FAM110B: variants seen among roughly 807,000 people sequenced by gnomAD.
FAM110B encodes the protein family with sequence similarity 110 member B, also known as protein FAM110B.
FAM110B carries 6 observed loss-of-function variants against 20.4 expected under a neutral mutation model. The ratio of observed to expected loss-of-function variants is 0.29; its 90% CI spans 0.16 to 0.58. FAM110B has a LOEUF of 0.58. Ranked by LOEUF, FAM110B falls within the 20% of genes least tolerant of loss-of-function variation. FAM110B has a pLI of 0.90. For missense variants in FAM110B, 434 were observed against 498.2 expected (o/e 0.87, Z 1.23); for synonymous variants, 226 against 214.1 (o/e 1.06, Z -0.49).
intron 1 of FAM110B, among the ~76,000 whole-genome samples, chr8:58,026,146 A>G (rs895364531): frequency 6.6e-6 from 1 of 152,350 alleles, no homozygotes; most frequent in East Asian, 1.9e-4. Flanking sequence ...GTGCTTGTAT[A>G]TATTTGTACT....
chr8:58,052,177 C>T (rs1456063419), intron 2 of FAM110B, among the ~76,000 whole-genome samples: 2 of 152,198 alleles, frequency 1.3e-5, no homozygotes, highest in Admixed American at 1.3e-4. Context: ...TACAAATACT[C>T]AATGTGGACT....
intron 1 of FAM110B, among the ~76,000 whole-genome samples, chr8:58,013,942 T>C (rs1317504843): frequency 6.6e-6 from 1 of 152,170 alleles, no homozygotes; most frequent in East Asian, 1.9e-4. Context: ...CTGGCATGCC[T>C]GTCACTGTGC....
intron 1 of FAM110B, among the ~76,000 whole-genome samples, chr8:58,025,396 G>A (rs1487111660): frequency 6.6e-6 from 1 of 152,188 alleles, no homozygotes; most frequent in Non-Finnish European, 1.5e-5. Flanking sequence ...AGCATGGCCT[G>A]ATGAGAGGGT....
chr8:58,047,078 TA>T (rs1805334380), intron 2 of FAM110B, among the ~76,000 whole-genome samples: 1 of 152,146 alleles, frequency 6.6e-6, no homozygotes, highest in Non-Finnish European at 1.5e-5. Context: ...TTGGTGATGA[TA>T]GGGGACATTT....
intron 3 of FAM110B, among the ~76,000 whole-genome samples, chr8:58,115,009 T>G (rs1225534011): frequency 1.4e-5 from 1 of 73,116 alleles, no homozygotes; most frequent in Non-Finnish European, 2.4e-5. Flanking sequence ...GGAAAGTTGT[T>G]TTTTTTTTTT....
chr8:58,014,789 T>C (rs1051456326), intron 1 of FAM110B, among the ~76,000 whole-genome samples: 4 of 151,270 alleles, frequency 2.6e-5, no homozygotes, highest in Admixed American at 6.6e-5. Flanking sequence ...TTAAACATTT[T>C]GGACATCTGG....
intron 1 of FAM110B, among the ~76,000 whole-genome samples, chr8:58,001,652 C>T (rs1804298970): frequency 6.6e-6 from 1 of 152,158 alleles, no homozygotes; most frequent in Non-Finnish European, 1.5e-5. Flanking sequence ...TGTTTAGGTA[C>T]TGTGAGTTAT....
chr8:58,000,687 G>C (rs1219939704), intron 1 of FAM110B, among the ~76,000 whole-genome samples: 4 of 152,182 alleles, frequency 2.6e-5, no homozygotes, highest in Non-Finnish European at 5.9e-5. Context: ...TGGTCAAAAA[G>C]AGACATTTGG....
At chr8:58,112,900 A>G (rs1474588895) in intron 3 of FAM110B, among the ~76,000 whole-genome samples, 2 of 152,206 alleles carry the variant, frequency 1.3e-5, no homozygotes, top group Admixed American at 1.3e-4. Flanking sequence ...AGTAGCTTAA[A>G]CTACAGACAT....
At chr8:58,009,263 A>T (rs1411831309) in intron 1 of FAM110B, among the ~76,000 whole-genome samples, 1 of 152,202 alleles carries the variant, frequency 6.6e-6, no homozygotes, top group Non-Finnish European at 1.5e-5. Flanking sequence ...GAGTTTGCAG[A>T]TGGGAGCGAA....
intron 2 of FAM110B, among the ~76,000 whole-genome samples, chr8:58,042,575 G>C (rs776991716): frequency 6.6e-5 from 10 of 152,196 alleles, no homozygotes; most frequent in Non-Finnish European, 8.8e-5. Flanking sequence ...AAGAGGTACT[G>C]TGGGACATTT....
chr8:58,027,359 T>G (rs1005058939), intron 1 of FAM110B, among the ~76,000 whole-genome samples: 1 of 152,108 alleles, frequency 6.6e-6, no homozygotes, highest in Non-Finnish European at 1.5e-5. Flanking sequence ...TTGAGTACCA[T>G]CCACTGAAGG....
At chr8:58,056,822 C>A (rs1312166970) in intron 2 of FAM110B, among the ~76,000 whole-genome samples, 2 of 151,780 alleles carry the variant, frequency 1.3e-5, no homozygotes, top group African/African-American at 4.9e-5. Flanking sequence ...CCTTTCCCAG[C>A]ATTTTCCATC....
intron 3 of FAM110B, among the ~76,000 whole-genome samples, 185 bp from the exon 4 acceptor site, chr8:58,145,722 G>A (rs1163067932): frequency 1.3e-5 from 2 of 152,226 alleles, no homozygotes; most frequent in Non-Finnish European, 2.9e-5. Flanking sequence ...GCCGCGCGTC[G>A]GCGCAGGCGG....
chr8:58,017,476 G>A (rs931000975), intron 1 of FAM110B, among the ~76,000 whole-genome samples: 3 of 152,144 alleles, frequency 2.0e-5, no homozygotes, highest in African/African-American at 7.2e-5. Flanking sequence ...AGGGCCTCAG[G>A]TACTCTTTAC....
intron 3 of FAM110B, among the ~76,000 whole-genome samples, chr8:58,119,419 G>A (rs1807299464): frequency 6.6e-6 from 1 of 152,258 alleles, no homozygotes; most frequent in East Asian, 1.9e-4. Context: ...TTATAAAAGG[G>A]CACTAATCCT....
intron 3 of FAM110B, among the ~76,000 whole-genome samples, chr8:58,103,507 AT>A (rs1318723521): frequency 2.0e-5 from 3 of 152,120 alleles, no homozygotes; most frequent in Non-Finnish European, 4.4e-5. Flanking sequence ...TGAACTCATC[AT>A]TTTTTATGTG....
At chr8:58,013,725 A>G (rs1171764702) in intron 1 of FAM110B, among the ~76,000 whole-genome samples, 1 of 152,104 alleles carries the variant, frequency 6.6e-6, no homozygotes, top group Non-Finnish European at 1.5e-5. Context: ...TACAGTTGCT[A>G]TTGCTATTTC....
At chr8:58,024,690 C>T (rs1804819892) in intron 1 of FAM110B, among the ~76,000 whole-genome samples, 1 of 152,150 alleles carries the variant, frequency 6.6e-6, no homozygotes, top group Non-Finnish European at 1.5e-5. Context: ...TATTCCTTTG[C>T]CCACTTTTTT....
Sources: allele counts gnomAD v4.1 joint callset (sites outside exome capture counted in the v4.1 genomes callset), GRCh38; gene constraint gnomAD v4.1.1; transcripts MANE v1.5; gene names NCBI Gene and HGNC (gene_info 2026-07-23, HGNC 2026-07-21).